The following SWAP70 variants were observed in gnomAD, a reference collection of about 807,000 sequenced individuals.
SWAP70 encodes the protein switching B cell complex subunit SWAP70, also known as switch-associated protein 70.
A neutral mutation model predicts 80.2 loss-of-function variants in SWAP70; 34 were observed. The ratio of observed to expected loss-of-function variants is 0.42; its 90% CI spans 0.32 to 0.56. SWAP70 has a LOEUF of 0.56. SWAP70 is among the 20% of genes least tolerant of loss of function. SWAP70 has a pLI of 0.09. For synonymous variants in SWAP70, 239 were observed against 238.5 expected, an observed-to-expected ratio of 1.00 and a Z score of -0.02; for missense variants, 578 against 690.7, an observed-to-expected ratio of 0.84 and a Z score of 1.83.
chr11:9,716,769 T>A (rs1177688309), intron 3 of SWAP70, among the ~76,000 whole-genome samples: 1 of 152,146 alleles, frequency 6.6e-6, no homozygotes, highest in East Asian at 1.9e-4. Flanking sequence ...ATCTACAGCT[T>A]GTGAGAGGCC....
chr11:9,668,367 T>C (rs147298317), intron 1 of SWAP70, among the ~76,000 whole-genome samples: 6 of 152,364 alleles, frequency 3.9e-5, no homozygotes, highest in African/African-American at 1.2e-4. Flanking sequence ...TCACCCACAG[T>C]ATGTTGATAA....
chr11:9,730,600 C>T (rs996831394), intron 6 of SWAP70, among the ~76,000 whole-genome samples: 9 of 152,116 alleles, frequency 5.9e-5, no homozygotes, highest in Non-Finnish European at 1.2e-4. Flanking sequence ...CTTTTAAGGA[C>T]TGTGAAGAAT....
chr11:9,721,868 C>T (rs1161346047), intron 3 of SWAP70, among the ~76,000 whole-genome samples: 1 of 151,972 alleles, frequency 6.6e-6, no homozygotes, highest in African/African-American at 2.4e-5. Context: ...TTACAAAAAA[C>T]ATTATAACCA....
intron 2 of SWAP70, among the ~76,000 whole-genome samples, chr11:9,701,188 T>G (rs1850826241): frequency 6.6e-6 from 1 of 152,072 alleles, no homozygotes; most frequent in South Asian, 2.1e-4. Context: ...TTTTTTTTTT[T>G]TGAGACAAGT....
chr11:9,727,722 A>G (rs1407506050), intron 4 of SWAP70, among the ~76,000 whole-genome samples: 1 of 152,222 alleles, frequency 6.6e-6, no homozygotes, highest in Non-Finnish European at 1.5e-5. Flanking sequence ...TATTTTGTTT[A>G]TAAATATTTC....
chr11:9,675,308 ACAGAGAGGGAG>A lies in SWAP70; in HGVS notation c.99+11032_99+11042del, dbSNP rs1166281879. ...TATCCAAAGAAAAAGAAAGAAAGAA[ACAGAGAGGGAG>A]CGAGAGAGAGAGAGAGAGAGAGGGA... On this transcript the variant is annotated intron_variant, in intron 1 of 11. Transcript: ENST00000318950. 2.0e-3 allele frequency among the ~76,000 whole-genome samples: 278 copies of A among 142,492 alleles called. 2 individuals carry two copies. The highest frequency in any genetic ancestry group is 6.5e-3 in the African/African-American group (255 of 38,980). The allele number at this position is 142,492 out of a possible 152,430, so 93.5% of individuals were successfully genotyped here.
At chr11:9,671,627 AAT>A (rs1325132011) in intron 1 of SWAP70, among the ~76,000 whole-genome samples, 1 of 46,760 alleles carries the variant, frequency 2.1e-5, no homozygotes, top group Non-Finnish European at 3.2e-5. Flanking sequence ...TTTCTATATA[AAT>A]ATATAAATAT....
intron 1 of SWAP70, among the ~76,000 whole-genome samples, chr11:9,678,870 T>C (rs1441504364): frequency 6.6e-6 from 1 of 152,164 alleles, no homozygotes; most frequent in Admixed American, 6.6e-5. Flanking sequence ...CATGTCCTTG[T>C]TCCCCTCCCA....
intron 1 of SWAP70, among the ~76,000 whole-genome samples, chr11:9,675,026 A>G (rs2134424533): frequency 6.6e-6 from 1 of 151,328 alleles, no homozygotes; most frequent in East Asian, 1.9e-4. Context: ...GGCCAGGTGC[A>G]GTGGCTCATG....
At chr11:9,701,006 C>T (rs1850823789) in intron 2 of SWAP70, among the ~76,000 whole-genome samples, 1 of 151,926 alleles carries the variant, frequency 6.6e-6, no homozygotes, top group African/African-American at 2.4e-5. Context: ...GAGGTTCATA[C>T]CAAGAGTTAA....
chr11:9,715,582 T>A (rs946554007), intron 3 of SWAP70, among the ~76,000 whole-genome samples: 2 of 152,196 alleles, frequency 1.3e-5, no homozygotes, highest in African/African-American at 4.8e-5. Context: ...CAGTTCCACA[T>A]GGCTGGGGAG....
chr11:9,728,832 G>A lies in SWAP70; in HGVS notation c.790-511G>A, dbSNP rs570388974. Among the ~76,000 whole-genome samples the A allele has an allele frequency of 5.1e-4, 77 of 152,264 alleles. 1 individual carries two copies. The highest frequency in any genetic ancestry group is 5.6e-4 in the Non-Finnish European group (38 of 68,014). On this transcript the variant is annotated intron_variant, in intron 5 of 11. Coordinates refer to ENST00000318950, the MANE Select transcript of SWAP70 (RefSeq NM_015055.4). ...CTTGAGATGTGTGATGCCCATGAAG[G>A]AGTCTGCTTAGATTTAACTAAACAT...
intron 4 of SWAP70, among the ~76,000 whole-genome samples, chr11:9,725,530 AATATATATATATATATATATATATAT>A (rs1211819180): frequency 1.7e-5 from 1 of 60,576 alleles, no homozygotes; most frequent in Non-Finnish European, 2.9e-5. Context: ...AAAAATACAA[AATATATATATATATATATATATATAT>A]ATATATATAT....
intron 1 of SWAP70, among the ~76,000 whole-genome samples, chr11:9,664,836 G>A (rs1374309658): frequency 2.0e-5 from 3 of 152,304 alleles, no homozygotes; most frequent in African/African-American, 7.2e-5. Flanking sequence ...TCCTTTGGGA[G>A]GCTTTTTGAC....
At position 9,664,194 on chromosome 11, in the gene SWAP70, G is replaced by C. The variant is rs141890670; in HGVS notation, c.15G>C (p.Lys5Asn). The C allele has an allele frequency of 1.3e-6, 2 of 1,585,356 alleles. No homozygotes were observed. Among genetic ancestry groups the C allele is most frequent in the East Asian group, 4.7e-5 (2 of 42,902 alleles). ...GGGCCGCGGCCATGGGGAGCTTGAA[G>C]GAGGAGCTGCTCAAAGCCATCTGGC... MGSL[K>N]EELLKAIWHA... The change falls in exon 1 of 12, where the codon AAG (lysine) becomes AAC (asparagine). Residue 5 changes from lysine (K) to asparagine (N), a missense_variant. Transcript: ENST00000318950.
At chr11:9,744,667 G>A (rs1291941483) in intron 9 of SWAP70, among the ~76,000 whole-genome samples, 1 of 152,134 alleles carries the variant, frequency 6.6e-6, no homozygotes, top group Non-Finnish European at 1.5e-5. Context: ...CAGCACTTTG[G>A]GAGGCTGAGG....
chr11:9,678,053 A>G (rs1850522703), intron 1 of SWAP70, among the ~76,000 whole-genome samples: 1 of 152,214 alleles, frequency 6.6e-6, no homozygotes, highest in Non-Finnish European at 1.5e-5. Flanking sequence ...AAGGAAGCAA[A>G]TTATGAGACA....
chr11:9,726,800 C>G, intron 4 of SWAP70: 1 of 449,196 alleles, frequency 2.2e-6, no homozygotes, highest in Non-Finnish European at 4.5e-6. Flanking sequence ...GAGTCACACA[C>G]CTTTGAGGCC....
intron 8 of SWAP70, among the ~76,000 whole-genome samples, chr11:9,738,972 A>G (rs890050959): frequency 6.6e-6 from 1 of 152,222 alleles, no homozygotes; most frequent in Admixed American, 6.5e-5. Flanking sequence ...ATAATTATTA[A>G]TAACATTCCT....
Sources: gnomAD v4.1 joint callset for allele counts (sites outside exome capture counted in the v4.1 genomes callset) on GRCh38, gnomAD v4.1.1 for gene constraint, MANE v1.5 for transcripts, NCBI Gene and HGNC (gene_info 2026-07-23, HGNC 2026-07-21) for gene names.